Variants in OSBPL10 observed in about 807,000 individuals in gnomAD.
The protein encoded by OSBPL10 is oxysterol-binding protein-related protein 10.
In OSBPL10, 49 loss-of-function variants were observed where a neutral mutation model predicts 81.7. That is an observed-to-expected ratio of 0.60 (90% CI 0.48 to 0.76). The LOEUF is 0.76. Among genes scored for constraint, OSBPL10 ranks in the 30% least tolerant of loss-of-function variants. The pLI is 0.00. For synonymous variants in OSBPL10, 419 were observed against 383.6 expected (o/e 1.09, Z -1.08); for missense variants, 923 against 987.8 (o/e 0.93, Z 0.88).
At chr3:31,742,165 C>G (rs6800476) in intron 5 of OSBPL10, among the ~76,000 whole-genome samples, 121,534 of 152,210 alleles carry the variant, frequency 0.8, 49,496 homozygotes, top group East Asian at 0.98. Context: ...GAAAGTATAA[C>G]AGACAAAGAA....
chr3:31,776,392 G>A (rs6796431), intron 4 of OSBPL10, among the ~76,000 whole-genome samples: 23,406 of 152,170 alleles, frequency 0.15, 2,709 homozygotes, highest in African/African-American at 0.33. Context: ...AGCTTGCTAC[G>A]AAAAACAGTT....
At chr3:31,938,329 T>C (rs1178403391) in intron 1 of OSBPL10, among the ~76,000 whole-genome samples, 1 of 152,108 alleles carries the variant, frequency 6.6e-6, no homozygotes, top group Non-Finnish European at 1.5e-5. Context: ...CCCCAGATCC[T>C]TCTACCTATC....
chr3:31,869,879 T>C (rs746559514), intron 3 of OSBPL10, among the ~76,000 whole-genome samples: 2 of 152,260 alleles, frequency 1.3e-5, no homozygotes, highest in Non-Finnish European at 2.9e-5. Context: ...GTATTAATTA[T>C]CATTACTTCT....
chr3:31,731,860 T>C (rs926395271), intron 6 of OSBPL10, among the ~76,000 whole-genome samples: 12 of 152,260 alleles, frequency 7.9e-5, no homozygotes, highest in African/African-American at 2.6e-4. Flanking sequence ...TGAGGCAAAG[T>C]GGGCAACAAC....
At chr3:31,980,510 G>A (rs190055120) in intron 1 of OSBPL10, among the ~76,000 whole-genome samples, 1 of 152,272 alleles carries the variant, frequency 6.6e-6, no homozygotes, top group Non-Finnish European at 1.5e-5. Flanking sequence ...TTTCACCCCG[G>A]CACAAAGCAC....
chr3:31,901,137 T>C (rs1430818164), intron 1 of OSBPL10, among the ~76,000 whole-genome samples: 1 of 152,246 alleles, frequency 6.6e-6, no homozygotes, highest in Admixed American at 6.5e-5. Flanking sequence ...TTTTAAATCC[T>C]GTAGTCAAAG....
Position 31,747,768 on chromosome 3 carries a change from C to T in OSBPL10, c.940+142G>A, listed in dbSNP as rs144034101. ...AAAAATATATCCCAAACAGTAGAGA[C>T]GAAGGGCAGTAGAAATACTTGGATA... On this transcript the variant is annotated intron_variant, in intron 5 of 11. Coordinates refer to ENST00000396556, the MANE Select transcript of OSBPL10 (RefSeq NM_017784.5). 1,257 of 833,882 alleles carry T rather than the reference C, an allele frequency of 1.5e-3. 4 individuals carry two copies. Among genetic ancestry groups the T allele is most frequent in the Middle Eastern group, 1.5e-3 (4 of 2,720 alleles). The allele number at this position is 833,882 out of a possible 1,614,324, so 51.7% of individuals were successfully genotyped here. A position where few individuals can be genotyped will look rare whatever the true frequency, so the allele number is the denominator to read the frequency against.
At chr3:32,014,148 A>G (rs2125541215) in intron 2 of OSBPL10, among the ~76,000 whole-genome samples, 1 of 152,346 alleles carries the variant, frequency 6.6e-6, no homozygotes, top group African/African-American at 2.4e-5. Context: ...ACAAAAAAAG[A>G]GAATTTTAGA....
At chr3:31,797,631 C>A in intron 4 of OSBPL10, 1 of 336,994 alleles carries the variant, frequency 3.0e-6, no homozygotes. Flanking sequence ...TCTGTGAACC[C>A]TGCAAAAGGT....
chr3:31,794,047 G>A (rs187211601), intron 4 of OSBPL10, among the ~76,000 whole-genome samples: 10 of 152,312 alleles, frequency 6.6e-5, no homozygotes, highest in Admixed American at 6.5e-4. Flanking sequence ...AGTGGTGGCT[G>A]AACTCAGAAG....
intron 2 of OSBPL10, among the ~76,000 whole-genome samples, chr3:32,014,072 A>G (rs56106902): frequency 2.6e-5 from 4 of 152,262 alleles, no homozygotes; most frequent in African/African-American, 7.2e-5. Flanking sequence ...AGAAAAAGAG[A>G]GAATCCTCAC....
At chr3:31,740,851 T>G (rs1346248803) in intron 5 of OSBPL10, among the ~76,000 whole-genome samples, 1 of 77,796 alleles carries the variant, frequency 1.3e-5, no homozygotes, top group South Asian at 3.4e-4. Context: ...TGACCACTAC[T>G]AGAATTTATA....
intron 3 of OSBPL10, among the ~76,000 whole-genome samples, chr3:31,872,085 A>T (rs1397747888): frequency 6.6e-6 from 1 of 152,180 alleles, no homozygotes; most frequent in African/African-American, 2.4e-5. Flanking sequence ...TCTGTGTTCT[A>T]TTCTTCCTGG....
At chr3:31,991,092 C>T in intron 2 of OSBPL10, 1 of 1,049,944 alleles carries the variant, frequency 9.5e-7, no homozygotes, top group Non-Finnish European at 1.4e-6. Flanking sequence ...TCAGCATTGA[C>T]TTGAGTTTCA....
At chr3:31,991,933 G>A (rs1367463424) in intron 2 of OSBPL10, among the ~76,000 whole-genome samples, 3 of 151,746 alleles carry the variant, frequency 2.0e-5, no homozygotes, top group Non-Finnish European at 2.9e-5. Flanking sequence ...ATCACTTGAG[G>A]TTAGGAGTTT....
intron 1 of OSBPL10, among the ~76,000 whole-genome samples, chr3:31,965,667 T>C (rs1296061525): frequency 1.6e-3 from 53 of 33,898 alleles, no homozygotes; most frequent in Non-Finnish European, 2.6e-3. Flanking sequence ...ATATTATATA[T>C]TTTATATAAT....
chr3:32,020,953 G>T (rs1360598198), intron 2 of OSBPL10, among the ~76,000 whole-genome samples: 1 of 152,152 alleles, frequency 6.6e-6, no homozygotes, highest in East Asian at 1.9e-4. Flanking sequence ...CAGTAGAGTT[G>T]GTTTCTGCCA....
chr3:31,680,878 C>G (rs148308147), intron 8 of OSBPL10, among the ~76,000 whole-genome samples: 2 of 152,302 alleles, frequency 1.3e-5, no homozygotes, highest in African/African-American at 4.8e-5. Flanking sequence ...TCCATCTCCC[C>G]TTGTCAACAG....
intron 4 of OSBPL10, among the ~76,000 whole-genome samples, chr3:31,756,880 G>A (rs1225514378): frequency 1.3e-5 from 2 of 152,154 alleles, no homozygotes; most frequent in Non-Finnish European, 2.9e-5. Flanking sequence ...GGCATGACAG[G>A]CAATGAGCAG....
Sources: allele counts gnomAD v4.1 joint callset (sites outside exome capture counted in the v4.1 genomes callset), GRCh38; gene constraint gnomAD v4.1.1; transcripts MANE v1.5; gene names NCBI Gene and HGNC (gene_info 2026-07-23, HGNC 2026-07-21).